Variants in RBPMS observed in about 807,000 individuals in gnomAD.
RBPMS encodes the protein RNA-binding protein with multiple splicing.
Under a neutral mutation model 26.8 loss-of-function variants are expected in RBPMS, and 7 were observed. The ratio of observed to expected loss-of-function variants is 0.26; its 90% CI spans 0.15 to 0.49. The LOEUF (loss-of-function observed/expected upper bound fraction) is 0.49, where lower values mean the gene tolerates loss of function less well. RBPMS is among the 20% of genes least tolerant of loss of function. The probability of loss-of-function intolerance (pLI) is 0.98; values close to 1 mark genes in which losing one functional copy is unlikely to be tolerated. For missense variants in RBPMS, 186 were observed against 250.0 expected (o/e 0.74, Z 1.73); for synonymous variants, 96 against 93.3 (o/e 1.03, Z -0.17).
intron 1 of RBPMS, among the ~76,000 whole-genome samples, chr8:30,460,702 CCT>C (rs1234348488): frequency 6.6e-6 from 1 of 151,990 alleles, no homozygotes; most frequent in East Asian, 1.9e-4. Flanking sequence ...TAAGTTGAAA[CCT>C]CTCTTTTTAA....
chr8:30,491,908 C>T (rs1345056273), intron 4 of RBPMS, among the ~76,000 whole-genome samples: 1 of 152,098 alleles, frequency 6.6e-6, no homozygotes, highest in Admixed American at 6.6e-5. Context: ...CACCCCTCCC[C>T]CAATGGAGTT....
rs1177218515 is a variant in RBPMS at position 30,571,449 on chromosome 8, T to G, written c.*924T>G. The stretch of plus-strand genomic sequence containing the variant: ...CCGCAGTGTAAGTGCAGAGCCTGCC[T>G]CACTGGTAAGGGAAAACCTTGGCTT... On this transcript the variant is annotated 3_prime_UTR_variant, in exon 9 of 9. Transcript: ENST00000397323. 6.6e-6 allele frequency: 1 copy of G among 152,274 alleles called. No individual in the cohort carries two copies. The highest frequency in any genetic ancestry group is 1.5e-5 in the Non-Finnish European group (1 of 68,054). The allele number at this position is 152,274 out of a possible 1,614,324, so 9.4% of individuals were successfully genotyped here.
chr8:30,464,131 TTAAAA>T (rs1816243702), intron 1 of RBPMS, among the ~76,000 whole-genome samples: 1 of 152,178 alleles, frequency 6.6e-6, no homozygotes, highest in African/African-American at 2.4e-5. Context: ...ACCCGTTTCT[TTAAAA>T]TAAAAAAAGT....
At position 30,516,953 on chromosome 8, in the gene RBPMS, A is replaced by AT. The variant is rs200577356; in HGVS notation, c.397+12524dup. On this transcript the variant is annotated intron_variant, in intron 5 of 8. Coordinates refer to ENST00000397323, the MANE Select transcript of RBPMS (RefSeq NM_001008710.3). Reference sequence around the variant, plus strand: ...ACATGAGTTTTCCTCATGTGAATTGATTTTTTTAATAATATAACTTATTTC... The same window carrying AT: ...ACATGAGTTTTCCTCATGTGAATTGATTTTTTTTAATAATATAACTTATTTC... Among the ~76,000 whole-genome samples, 1,088 of 142,586 alleles carry AT rather than the reference A, an allele frequency of 7.6e-3. 11 individuals carry two copies. Among genetic ancestry groups the AT allele is most frequent in the African/African-American group, 0.026 (1,024 of 39,704 alleles). 93.5% of individuals were successfully genotyped at this position (142,586 alleles called of 152,430 possible).
chr8:30,550,879 CT>C (rs1229764444), intron 6 of RBPMS, among the ~76,000 whole-genome samples: 1 of 152,224 alleles, frequency 6.6e-6, no homozygotes, highest in Non-Finnish European at 1.5e-5. Flanking sequence ...TCACGAGTTA[CT>C]TTACACAAAC....
At chr8:30,447,181 T>C (rs1419147816) in intron 1 of RBPMS, among the ~76,000 whole-genome samples, 1 of 152,188 alleles carries the variant, frequency 6.6e-6, no homozygotes, top group Non-Finnish European at 1.5e-5. Context: ...TGAAGCTTTT[T>C]GTCTACTGAC....
intron 7 of RBPMS, among the ~76,000 whole-genome samples, chr8:30,563,509 G>C (rs545583981): frequency 6.6e-6 from 1 of 152,288 alleles, no homozygotes; most frequent in African/African-American, 2.4e-5. Flanking sequence ...GGGTGTAGGG[G>C]GACGTCTTCT....
intron 5 of RBPMS, chr8:30,537,506 T>C (rs537524602): frequency 2.4e-5 from 11 of 455,282 alleles, no homozygotes; most frequent in African/African-American, 1.6e-4. Flanking sequence ...ATTTGGGTAA[T>C]AGAAGTAGGG....
At chr8:30,439,089 A>AGG (rs1472725620) in intron 1 of RBPMS, among the ~76,000 whole-genome samples, 4 of 152,170 alleles carry the variant, frequency 2.6e-5, no homozygotes, top group Non-Finnish European at 4.4e-5. Flanking sequence ...TTGTTTGCTG[A>AGG]GGGGGAATAT....
At position 30,521,434 on chromosome 8, in the gene RBPMS, T is replaced by C. The variant is rs1424657724; in HGVS notation, c.397+16998T>C. On this transcript the variant is annotated intron_variant, in intron 5 of 8. Transcript: ENST00000397323. ...ACACACTTGAATCTGAGGTTGAATT[T>C]AGTTGACTTTTTCGTTGTACGTTTA... 2.6e-5 allele frequency among the ~76,000 whole-genome samples: 4 copies of C among 152,236 alleles called. No individual in the cohort carries two copies. The South Asian group carries it at 8.3e-4, about 32-fold the overall frequency.
chr8:30,493,367 T>C (rs1166933856), intron 4 of RBPMS, among the ~76,000 whole-genome samples: 2 of 152,234 alleles, frequency 1.3e-5, no homozygotes, highest in Non-Finnish European at 2.9e-5. Flanking sequence ...AATGGGTTTA[T>C]TCATTATCCT....
rs1005626441 is a variant in RBPMS at position 30,384,579 on chromosome 8, C to T, written c.-514C>T. On this transcript the variant is annotated 5_prime_UTR_variant, in exon 1 of 9. Transcript: ENST00000397323. This position sits in a 1 kb window ranked among gnomAD's most constrained non-coding sequence, Gnocchi z 5.6. Reference sequence around the variant, plus strand: ...AGCGCGTACTCAGCGGCTCTCGGGTCCCAGCGTCCCAGCCGCGGCCCGCGC... The same window carrying T: ...AGCGCGTACTCAGCGGCTCTCGGGTTCCAGCGTCCCAGCCGCGGCCCGCGC... 12 of 155,552 alleles carry T rather than the reference C, an allele frequency of 7.7e-5. No homozygotes were observed. The East Asian group carries it at 2.3e-3, about 30-fold the overall frequency. The allele number at this position is 155,552 out of a possible 1,614,324, so 9.6% of individuals were successfully genotyped here. A position where few individuals can be genotyped will look rare whatever the true frequency, so the allele number is the denominator to read the frequency against.
intron 1 of RBPMS, among the ~76,000 whole-genome samples, chr8:30,426,042 C>T (rs954399716): frequency 2.0e-5 from 3 of 152,172 alleles, no homozygotes; most frequent in African/African-American, 7.2e-5. Flanking sequence ...TGTCTCTTTC[C>T]TGAAAAGTTA....
At chr8:30,480,360 G>GT (rs1224568617) in intron 4 of RBPMS, among the ~76,000 whole-genome samples, 3 of 152,206 alleles carry the variant, frequency 2.0e-5, no homozygotes, top group Non-Finnish European at 4.4e-5. Flanking sequence ...GCAGAGTGCT[G>GT]TTGGAGAGAC....
At chr8:30,512,542 C>A (rs2150960262) in intron 5 of RBPMS, among the ~76,000 whole-genome samples, 1 of 152,026 alleles carries the variant, frequency 6.6e-6, no homozygotes, top group East Asian at 1.9e-4. Flanking sequence ...TACAGTGGTG[C>A]AATCATAGTC....
intron 5 of RBPMS, among the ~76,000 whole-genome samples, chr8:30,507,064 C>T (rs148953562): frequency 8.3e-4 from 127 of 152,188 alleles, no homozygotes; most frequent in African/African-American, 2.8e-3. Flanking sequence ...ATCAGACTGC[C>T]GTATTTGCTG....
chr8:30,466,947 T>C (rs565383607), intron 1 of RBPMS, among the ~76,000 whole-genome samples: 1 of 152,168 alleles, frequency 6.6e-6, no homozygotes, highest in Non-Finnish European at 1.5e-5. Context: ...TCTGTAGCAA[T>C]GTGACCTCCT....
chr8:30,384,822 T>G lies in RBPMS; in HGVS notation c.-271T>G. 16 of 286,496 alleles carry G rather than the reference T, an allele frequency of 5.6e-5. No homozygotes were observed. The highest frequency in any genetic ancestry group is 1.2e-4 in the East Asian group (2 of 16,180). 17.7% of individuals were successfully genotyped at this position (286,496 alleles called of 1,614,324 possible). A position where few individuals can be genotyped will look rare whatever the true frequency, so the allele number is the denominator to read the frequency against. ...TCCAGGTCGCCCTCCCGGGGCCCGA[T>G]TGTCTCGGTGCCCCGCTCCCGGCCC... On this transcript the variant is annotated 5_prime_UTR_variant, in exon 1 of 9. Transcript: ENST00000397323. This position sits in a 1 kb window ranked among gnomAD's most constrained non-coding sequence, Gnocchi z 5.6.
Position 30,511,484 on chromosome 8 carries a change from AAAATATATATATATATAT to A in RBPMS, c.397+7050_397+7067del, listed in dbSNP as rs1428876090. Reference sequence around the variant, plus strand: ...AAAACAAAAAAAGAAAAAAAAAAAAAAAATATATATATATATATATATATATATATATATATATATATT... The same window carrying A: ...AAAACAAAAAAAGAAAAAAAAAAAAAATATATATATATATATATATATATT... On this transcript the variant is annotated intron_variant, in intron 5 of 8. Transcript: ENST00000397323. 8.8e-3 allele frequency among the ~76,000 whole-genome samples: 54 copies of A among 6,144 alleles called. No homozygotes were observed. In the Admixed American group the frequency reaches 0.095, roughly 11 times the overall value. The allele number at this position is 6,144 out of a possible 152,430, so 4.0% of individuals were successfully genotyped here.
Sources: gnomAD v4.1 joint callset for allele counts (sites outside exome capture counted in the v4.1 genomes callset) on GRCh38, gnomAD v4.1.1 for gene constraint, Gnocchi (gnomAD v3.1) non-coding constraint, MANE v1.5 for transcripts, NCBI Gene and HGNC (gene_info 2026-07-23, HGNC 2026-07-21) for gene names.